The following PTK2 variants were observed in gnomAD, a reference collection of about 807,000 sequenced individuals.
PTK2 encodes protein tyrosine kinase 2.
A neutral mutation model predicts 150.1 loss-of-function variants in PTK2; 45 were observed. The observed-to-expected ratio is 0.30, with a 90% CI of 0.24 to 0.38. PTK2 has a LOEUF of 0.38. PTK2 is among the 10% of genes least tolerant of loss of function. PTK2 has a pLI of 1.00. For missense variants in PTK2, 919 were observed against 1,307.3 expected, an observed-to-expected ratio of 0.70 and a Z score of 4.58; for synonymous variants, 432 against 449.2, an observed-to-expected ratio of 0.96 and a Z score of 0.48.
At chr8:140,885,513 T>C (rs1366042709) in intron 3 of PTK2, among the ~76,000 whole-genome samples, 2 of 152,136 alleles carry the variant, frequency 1.3e-5, no homozygotes, top group African/African-American at 4.8e-5. Flanking sequence ...ATGTCAATAA[T>C]AATGATCTGA....
At chr8:140,685,024 T>C (rs921586258) in intron 27 of PTK2, among the ~76,000 whole-genome samples, 1 of 152,146 alleles carries the variant, frequency 6.6e-6, no homozygotes, top group Non-Finnish European at 1.5e-5. Context: ...CAAAACATCA[T>C]GGTACTGGTA....
chr8:140,905,922 G>A (rs1304902852), intron 2 of PTK2, among the ~76,000 whole-genome samples: 6 of 151,866 alleles, frequency 4.0e-5, no homozygotes, highest in African/African-American at 1.2e-4. Flanking sequence ...ATGACTACTG[G>A]GTAAATAAGA....
At chr8:140,688,160 T>C (rs2100021083) in intron 26 of PTK2, among the ~76,000 whole-genome samples, 1 of 152,212 alleles carries the variant, frequency 6.6e-6, no homozygotes, top group Non-Finnish European at 1.5e-5. Flanking sequence ...TAGACAGCCC[T>C]GACAGCAGTA....
At chr8:140,944,152 C>T (rs1011545139) in intron 1 of PTK2, among the ~76,000 whole-genome samples, 11 of 152,160 alleles carry the variant, frequency 7.2e-5, no homozygotes, top group African/African-American at 2.4e-4. Context: ...TGCAAAGTTG[C>T]CTGCCCACTT....
chr8:140,966,892 T>C (rs1006158028), intron 1 of PTK2, among the ~76,000 whole-genome samples: 1 of 152,226 alleles, frequency 6.6e-6, no homozygotes, highest in Non-Finnish European at 1.5e-5. Context: ...CTGTGCTTCA[T>C]TATCACGTAG....
At chr8:140,911,693 T>C (rs1166818537) in intron 2 of PTK2, among the ~76,000 whole-genome samples, 3 of 152,110 alleles carry the variant, frequency 2.0e-5, no homozygotes, top group Non-Finnish European at 2.9e-5. Context: ...TGTCCCTTTC[T>C]AATTAATACT....
At chr8:140,759,530 T>TTAAA (rs1554919747) in intron 16 of PTK2, among the ~76,000 whole-genome samples, 1 of 58,064 alleles carries the variant, frequency 1.7e-5, no homozygotes, top group East Asian at 5.3e-4. Context: ...GACCCTGTCC[T>TTAAA]AAAAAAAAAA....
At position 140,668,684 on chromosome 8, in the gene PTK2, C is replaced by A. The variant is rs1399131204; in HGVS notation, c.2710-260G>T. 3.9e-5 allele frequency: 12 copies of A among 307,044 alleles called. No individual in the cohort carries two copies. In the East Asian group the frequency reaches 6.5e-4, roughly 17 times the overall value. The allele number at this position is 307,044 out of a possible 1,614,324, so 19.0% of individuals were successfully genotyped here. ...GGAATCATACATATTATACTAAAAACCCCAGATTCTTTCAGAGACCTGATT... is the reference window on the plus strand; with the variant it reads ...GGAATCATACATATTATACTAAAAAACCCAGATTCTTTCAGAGACCTGATT... On this transcript the variant is annotated intron_variant, in intron 29 of 31. Coordinates refer to ENST00000522684, the Ensembl canonical transcript of PTK2.
intron 1 of PTK2, among the ~76,000 whole-genome samples, chr8:140,997,114 A>C (rs537124834): frequency 1.3e-5 from 2 of 152,242 alleles, no homozygotes; most frequent in Non-Finnish European, 2.9e-5. Context: ...TCACGACTTC[A>C]GTAGAGAAAG....
intron 27 of PTK2, among the ~76,000 whole-genome samples, chr8:140,678,841 C>CG (rs1274187551): frequency 4.0e-5 from 6 of 151,718 alleles, no homozygotes; most frequent in African/African-American, 1.5e-4. Context: ...ATGGTGGAAA[C>CG]GGGCCAATAC....
chr8:140,995,134 A>G (rs2100197138), intron 1 of PTK2, among the ~76,000 whole-genome samples: 1 of 151,502 alleles, frequency 6.6e-6, no homozygotes, highest in Non-Finnish European at 1.5e-5. Context: ...TAATCCCAGC[A>G]CTTTGGGAGG....
At chr8:140,707,794 A>G (rs1201392105) in intron 23 of PTK2, among the ~76,000 whole-genome samples, 1 of 152,192 alleles carries the variant, frequency 6.6e-6, no homozygotes, top group East Asian at 1.9e-4. Context: ...AAAATGGGAT[A>G]CTGAATATTC....
chr8:140,687,689 A>G (rs1336396614), intron 26 of PTK2, among the ~76,000 whole-genome samples: 1 of 151,996 alleles, frequency 6.6e-6, no homozygotes, highest in Non-Finnish European at 1.5e-5. Context: ...AACCCTTTTC[A>G]TTGTATCAGT....
At chr8:140,947,170 T>C (rs996302277) in intron 1 of PTK2, among the ~76,000 whole-genome samples, 5 of 152,130 alleles carry the variant, frequency 3.3e-5, no homozygotes, top group African/African-American at 1.2e-4. Context: ...CTGTCCTCAC[T>C]ATCCCTATTT....
chr8:140,676,035 A>T (rs1258138131), intron 27 of PTK2, among the ~76,000 whole-genome samples: 1 of 152,318 alleles, frequency 6.6e-6, no homozygotes, highest in Admixed American at 6.5e-5. Flanking sequence ...TGTCTGGATT[A>T]AAAAAATGTG....
intron 14 of PTK2, among the ~76,000 whole-genome samples, chr8:140,782,986 C>A (rs551369713): frequency 6.6e-6 from 1 of 152,264 alleles, no homozygotes; most frequent in East Asian, 1.9e-4. Context: ...CACCTGTAAT[C>A]CCAGCACTTT....
At chr8:140,867,120 T>G (rs1448868087) in intron 4 of PTK2, among the ~76,000 whole-genome samples, 1 of 152,086 alleles carries the variant, frequency 6.6e-6, no homozygotes, top group African/African-American at 2.4e-5. Context: ...CCTTACCAAG[T>G]CATGATAGTC....
intron 5 of PTK2, among the ~76,000 whole-genome samples, chr8:140,846,885 T>G (rs73714767): frequency 0.024 from 3,669 of 152,240 alleles, 154 homozygotes; most frequent in African/African-American, 0.085. Flanking sequence ...GTTAAAGATA[T>G]AAATAAATGT....
intron 4 of PTK2, among the ~76,000 whole-genome samples, chr8:140,873,993 T>C (rs2100144102): frequency 6.6e-6 from 1 of 152,246 alleles, no homozygotes; most frequent in Admixed American, 6.5e-5. Flanking sequence ...CATTCAACTA[T>C]ACTTCCCACT....
Sources: gnomAD v4.1 joint callset for allele counts (sites outside exome capture counted in the v4.1 genomes callset) on GRCh38, gnomAD v4.1.1 for gene constraint, MANE v1.5 for transcripts, NCBI Gene and HGNC (gene_info 2026-07-23, HGNC 2026-07-21) for gene names.